Variants in NT5DC4 observed in about 807,000 individuals in gnomAD.
NT5DC4 encodes the protein 5'-nucleotidase domain containing 4.
NT5DC4 carries 44 observed loss-of-function variants against 26.6 expected under a neutral mutation model. That is an observed-to-expected ratio of 1.65 (90% CI 1.30 to 2.13). NT5DC4 has a LOEUF of 2.13. Among genes scored for constraint, NT5DC4 ranks in the 30% most tolerant of loss-of-function variants. The pLI is 0.00. For synonymous variants in NT5DC4, 157 were observed against 86.7 expected (o/e 1.81, Z -4.51); for missense variants, 399 against 228.1 (o/e 1.75, Z -4.83).
chr2:112,722,405 C>G, intron 4 of NT5DC4, 78 bp from the exon 5 acceptor site: 1 of 713,704 alleles, frequency 1.4e-6, no homozygotes, highest in Non-Finnish European at 2.6e-6. Flanking sequence ...AGAAGGGATG[C>G]GTGGTGGTTG....
downstream of NT5DC4, among the ~76,000 whole-genome samples, chr2:112,740,312 A>G (rs1296434750): frequency 6.6e-6 from 1 of 152,210 alleles, no homozygotes; most frequent in African/African-American, 2.4e-5. Context: ...TTTCCAGATC[A>G]TGATCAGAGA....
chr2:112,719,956 TTCTTTC>T (rs1676717072), upstream of NT5DC4, among the ~76,000 whole-genome samples: 3 of 127,426 alleles, frequency 2.4e-5, no homozygotes, highest in Non-Finnish European at 5.0e-5. Flanking sequence ...CTTTCTTTCT[TTCTTTC>T]TTTCTTTCTT....
At chr2:112,741,194 T>C (rs1253212054), downstream of NT5DC4, among the ~76,000 whole-genome samples, 1 of 152,192 alleles carries the variant, frequency 6.6e-6, no homozygotes, top group East Asian at 1.9e-4. Context: ...TCTGTAGCAG[T>C]GTCTTGCTAC....
chr2:112,722,248 T>G lies in NT5DC4; in HGVS notation c.332T>G (p.Leu111Arg), dbSNP rs1419426218. ...LKVDAHGNVL[L>R]GAYGFTFLSD... ...GTGGACGCCCACGGGAATGTGCTGC[T>G]GGGTGCCTATGGCTTCACCTTCCTC... The change falls in exon 4 of 17, where the codon CTG becomes CGG. Residue 111 changes from leucine to arginine, a missense_variant. Leu to Arg is a moderately radical substitution (Grantham distance 102). Transcript: ENST00000688554. The G allele has an allele frequency of 2.8e-6, 2 of 717,042 alleles. No homozygotes were observed. Among genetic ancestry groups the G allele is most frequent in the South Asian group, 3.0e-5 (2 of 67,594 alleles). The allele number at this position is 717,042 out of a possible 1,614,324, so 44.4% of individuals were successfully genotyped here. A position where few individuals can be genotyped will look rare whatever the true frequency, so the allele number is the denominator to read the frequency against.
rs375529037 is a variant in NT5DC4, at chr2:112,739,027, C to T, written c.*91C>T. On this transcript the variant is annotated 3_prime_UTR_variant, in exon 17 of 17. Transcript: ENST00000688554. ...CAGGAGTGATAAATTTCATGTCTTGCACTTCCGGCATCCCATTTATTCTGA... is the reference window on the plus strand; with the variant it reads ...CAGGAGTGATAAATTTCATGTCTTGTACTTCCGGCATCCCATTTATTCTGA... The T allele has an allele frequency of 1.9e-5, 30 of 1,613,956 alleles. No individual in the cohort carries two copies. The highest frequency in any genetic ancestry group is 2.5e-5 in the Non-Finnish European group (29 of 1,179,956).
upstream of NT5DC4, among the ~76,000 whole-genome samples, chr2:112,719,930 CTTTCTTTCTTTCTTTCTTTCTTTCTT>C (rs1676700148): frequency 9.3e-4 from 44 of 47,092 alleles, no homozygotes; most frequent in African/African-American, 3.5e-3. Flanking sequence ...CTTTCTCTTT[CTTTCTTTCTTTCTTTCTTTCTTTCTT>C]TCTTTCTTTC....
upstream of NT5DC4, among the ~76,000 whole-genome samples, chr2:112,720,232 TTTC>T (rs907111762): frequency 1.6e-3 from 20 of 12,840 alleles, no homozygotes; most frequent in African/African-American, 1.8e-3. Flanking sequence ...CAATTTTTTT[TTTC>T]TTCGTATTTT....
At chr2:112,720,878 C>G (rs1460584330), upstream of NT5DC4, among the ~76,000 whole-genome samples, 1 of 152,152 alleles carries the variant, frequency 6.6e-6, no homozygotes, top group African/African-American at 2.4e-5. Context: ...TGCTTTTGCT[C>G]TAGAGAAAAG....
intron 16 of NT5DC4, among the ~76,000 whole-genome samples, chr2:112,734,783 G>A (rs1459604308): frequency 4.6e-5 from 7 of 152,068 alleles, no homozygotes; most frequent in Non-Finnish European, 7.4e-5. Context: ...TTTGTTTCCC[G>A]GGTTCAAGTG....
At position 112,723,394 on chromosome 2, in the gene NT5DC4, C is replaced by CAG. The variant is rs1553432714; in HGVS notation, c.622-23_622-22dup. ...ACACACACACACACACACACACACA[C>CAG]AGGCACTTTGCTCCCTCCTGCAGGG... On this transcript the variant is annotated intron_variant, in intron 7 of 16. Transcript: ENST00000688554. 3.2e-5 allele frequency: 23 copies of CAG among 716,096 alleles called. No homozygotes were observed. The Middle Eastern group carries it at 6.9e-4, about 21-fold the overall frequency. The allele number at this position is 716,096 out of a possible 1,614,324, so 44.4% of individuals were successfully genotyped here. A position where few individuals can be genotyped will look rare whatever the true frequency, so the allele number is the denominator to read the frequency against.
chr2:112,736,098 A>G lies in NT5DC4; in HGVS notation c.1345-2815A>G, dbSNP rs146461468. ...GCAAAGATGGACCACTCTAGAAGCC[A>G]GAAAAAAAGTAAGTGCACAAGCAAT... On this transcript the variant is annotated intron_variant, in intron 16 of 16. Transcript: ENST00000688554. 9.9e-5 allele frequency among the ~76,000 whole-genome samples: 15 copies of G among 152,220 alleles called. No homozygotes were observed. In the East Asian group the frequency reaches 2.9e-3, roughly 29 times the overall value.
intron 11 of NT5DC4, 59 bp from the exon 12 acceptor site, chr2:112,725,115 C>A: frequency 1.5e-6 from 1 of 688,556 alleles, no homozygotes; most frequent in Admixed American, 2.1e-5. Context: ...GCGACCCTCC[C>A]TAGCTAGAGA....
chr2:112,723,506 C>G lies in NT5DC4; in HGVS notation c.672+38C>G, dbSNP rs546481835. The G allele has an allele frequency of 9.2e-5, 66 of 715,900 alleles. No individual in the cohort carries two copies. In the East Asian group the frequency reaches 1.7e-3, roughly 19 times the overall value. The allele number at this position is 715,900 out of a possible 1,614,324, so 44.3% of individuals were successfully genotyped here. On this transcript the variant is annotated intron_variant, in intron 8 of 16. Coordinates refer to ENST00000688554, the MANE Select transcript of NT5DC4 (RefSeq NM_001393655.1). ...AGACCCAGGGCCATGGCCATCACCCCCAAAGCAGCAGGGCTGCCCCCGCAA... is the reference window on the plus strand; with the variant it reads ...AGACCCAGGGCCATGGCCATCACCCGCAAAGCAGCAGGGCTGCCCCCGCAA...
At chr2:112,720,559 C>G (rs1240863769), upstream of NT5DC4, among the ~76,000 whole-genome samples, 3 of 152,184 alleles carry the variant, frequency 2.0e-5, no homozygotes, top group African/African-American at 7.2e-5. Flanking sequence ...TTCTGCCACC[C>G]CCCCATTCTG....
chr2:112,719,481 CT>C (rs57789268), upstream of NT5DC4, among the ~76,000 whole-genome samples: 4,444 of 101,094 alleles, frequency 0.044, 147 homozygotes, highest in East Asian at 0.29. Flanking sequence ...ACTTGTCTGT[CT>C]TTTTTTTTTT....
chr2:112,742,426 G>C, downstream of NT5DC4: 1 of 717,626 alleles, frequency 1.4e-6, no homozygotes, highest in Non-Finnish European at 2.6e-6. Flanking sequence ...TTCCAGCAAA[G>C]AGCTGTTTGT....
intron 8 of NT5DC4, 51 bp from the exon 9 acceptor site, chr2:112,723,668 A>T: frequency 2.8e-6 from 2 of 707,534 alleles, no homozygotes; most frequent in Non-Finnish European, 2.6e-6. Flanking sequence ...AGAGGATCCC[A>T]GGGCAGCTCT....
intron 8 of NT5DC4, 54 bp downstream of exon 8, chr2:112,723,522 G>GC: frequency 1.4e-6 from 1 of 712,964 alleles, no homozygotes; most frequent in Non-Finnish European, 2.6e-6. Context: ...CAGCAGGGCT[G>GC]CCCCCGCAAC....
At chr2:112,724,683 G>A (rs1677452299) in intron 10 of NT5DC4, 98 bp from the exon 11 acceptor site, 1 of 676,892 alleles carries the variant, frequency 1.5e-6, no homozygotes, top group African/African-American at 1.8e-5. Flanking sequence ...ATCCAGCTGG[G>A]AGGTTGGTGG....
Sources: allele counts gnomAD v4.1 joint callset (sites outside exome capture counted in the v4.1 genomes callset), GRCh38; gene constraint gnomAD v4.1.1; transcripts MANE v1.5; gene names NCBI Gene and HGNC (gene_info 2026-07-23, HGNC 2026-07-21).